The following GNAL variants were observed in gnomAD, a reference collection of about 807,000 sequenced individuals.
The protein encoded by GNAL is guanine nucleotide-binding protein G(olf) subunit alpha.
Under a neutral mutation model 55.1 loss-of-function variants are expected in GNAL, and 18 were observed. The ratio of observed to expected loss-of-function variants is 0.33; its 90% CI spans 0.23 to 0.48. The LOEUF is 0.48. GNAL is among the 20% of genes least tolerant of loss of function. GNAL has a pLI of 0.99. For missense variants in GNAL, 412 were observed against 614.1 expected (o/e 0.67, Z 3.48); for synonymous variants, 253 against 237.0 (o/e 1.07, Z -0.62).
intron 4 of GNAL, among the ~76,000 whole-genome samples, chr18:11,789,377 C>A (rs1174135529): frequency 6.6e-6 from 1 of 152,186 alleles, no homozygotes; most frequent in East Asian, 1.9e-4. Flanking sequence ...CTAGCCCCAG[C>A]AACTGTCCTC....
At chr18:11,736,048 T>C (rs1309051180) in intron 1 of GNAL, among the ~76,000 whole-genome samples, 3 of 152,192 alleles carry the variant, frequency 2.0e-5, no homozygotes, top group Non-Finnish European at 4.4e-5. Context: ...AACATGCCAG[T>C]ACATCTCCAA....
At chr18:11,764,446 C>G (rs967573684) in intron 4 of GNAL, among the ~76,000 whole-genome samples, 1 of 152,222 alleles carries the variant, frequency 6.6e-6, no homozygotes, top group Non-Finnish European at 1.5e-5. Context: ...CTCTAGTTTT[C>G]ACACACCAGT....
intron 5 of GNAL, 29 bp from the exon 6 acceptor site, chr18:11,862,366 G>A: frequency 3.8e-6 from 6 of 1,597,374 alleles, no homozygotes; most frequent in Non-Finnish European, 5.2e-6. Context: ...CAGAGAACAG[G>A]CCTCAACCCT....
intron 1 of GNAL, among the ~76,000 whole-genome samples, chr18:11,718,939 A>G (rs1187330277): frequency 1.3e-5 from 2 of 152,210 alleles, no homozygotes; most frequent in Non-Finnish European, 2.9e-5. Flanking sequence ...CCCTGACTTT[A>G]TAAAGCAAAT....
intron 4 of GNAL, among the ~76,000 whole-genome samples, chr18:11,779,086 T>C (rs2033860788): frequency 6.6e-6 from 1 of 151,998 alleles, no homozygotes; most frequent in Admixed American, 6.6e-5. Flanking sequence ...AGACAGCACG[T>C]AGAGGTGAGG....
intron 1 of GNAL, among the ~76,000 whole-genome samples, chr18:11,733,549 G>A (rs925917662): frequency 1.3e-5 from 2 of 152,180 alleles, no homozygotes; most frequent in African/African-American, 2.4e-5. Flanking sequence ...ATCAACGGAT[G>A]ACTGGATAAA....
chr18:11,841,975 ATT>A (rs918962032), intron 5 of GNAL, among the ~76,000 whole-genome samples: 3 of 145,354 alleles, frequency 2.1e-5, no homozygotes, highest in East Asian at 2.0e-4. Flanking sequence ...TTTAGTTCAG[ATT>A]TTTTTTTTTT....
At chr18:11,739,323 G>T (rs2032525539) in intron 1 of GNAL, among the ~76,000 whole-genome samples, 2 of 152,196 alleles carry the variant, frequency 1.3e-5, no homozygotes, top group South Asian at 4.1e-4. Flanking sequence ...ATGTGCAGGT[G>T]GAGGTGTAGA....
intron 4 of GNAL, among the ~76,000 whole-genome samples, chr18:11,789,659 T>C (rs375279705): frequency 2.6e-4 from 39 of 152,360 alleles, no homozygotes; most frequent in African/African-American, 8.9e-4. Flanking sequence ...TAAAGTACCA[T>C]GTCTTCTTTT....
chr18:11,827,120 C>T (rs996238182), intron 5 of GNAL, among the ~76,000 whole-genome samples: 4 of 152,140 alleles, frequency 2.6e-5, no homozygotes, highest in African/African-American at 7.2e-5. Context: ...CTTACCTTGT[C>T]CAAGGACAGG....
intron 1 of GNAL, among the ~76,000 whole-genome samples, chr18:11,698,951 A>C (rs1043192239): frequency 4.6e-5 from 6 of 130,526 alleles, no homozygotes; most frequent in African/African-American, 2.7e-4. Flanking sequence ...AGACCTAGCT[A>C]ATTTTCGGGT....
intron 4 of GNAL, among the ~76,000 whole-genome samples, chr18:11,760,423 CT>C (rs2033203182): frequency 6.6e-6 from 1 of 152,204 alleles, no homozygotes; most frequent in African/African-American, 2.4e-5. Context: ...AACATTTGAG[CT>C]GGTGTAAAAA....
intron 4 of GNAL, among the ~76,000 whole-genome samples, chr18:11,767,108 C>T (rs1199605734): frequency 6.6e-6 from 1 of 152,174 alleles, no homozygotes; most frequent in Non-Finnish European, 1.5e-5. Context: ...GGAAGAAATC[C>T]CTGACTTCCC....
intron 5 of GNAL, among the ~76,000 whole-genome samples, chr18:11,833,985 G>A (rs73407473): frequency 0.016 from 2,455 of 152,200 alleles, 68 homozygotes; most frequent in African/African-American, 0.057. Flanking sequence ...GAGGCTCCCC[G>A]GGGTGCGGTT....
intron 5 of GNAL, among the ~76,000 whole-genome samples, chr18:11,830,693 T>G (rs1568047231): frequency 6.6e-6 from 1 of 152,188 alleles, no homozygotes; most frequent in Non-Finnish European, 1.5e-5. Flanking sequence ...ATAGCAATAT[T>G]TGTCATCATA....
intron 6 of GNAL, among the ~76,000 whole-genome samples, chr18:11,862,947 C>T (rs2036181147): frequency 1.3e-5 from 2 of 149,626 alleles, no homozygotes; most frequent in South Asian, 4.2e-4. Flanking sequence ...GTTGCAATCT[C>T]TGCTCACTGC....
intron 4 of GNAL, among the ~76,000 whole-genome samples, chr18:11,819,043 CG>C (rs34405749): frequency 0.062 from 9,492 of 152,240 alleles, 428 homozygotes; most frequent in African/African-American, 0.12. Flanking sequence ...GCCAGACAGA[CG>C]GCACCACACT....
At position 11,774,751 on chromosome 18, in the gene GNAL, G is replaced by C. The variant is rs114248500; in HGVS notation, c.624+20806G>C. 5.7e-3 allele frequency among the ~76,000 whole-genome samples: 867 copies of C among 152,324 alleles called. 9 individuals carry two copies. Among genetic ancestry groups the C allele is most frequent in the African/African-American group, 0.02 (816 of 41,570 alleles). On this transcript the variant is annotated intron_variant, in intron 4 of 11. Coordinates refer to ENST00000334049, the MANE Select transcript of GNAL (RefSeq NM_182978.4). ...TGTGAGGTGACCTTTCTGGGTTTAAGAATCACGGGTCCAGGTTATACACTG... is the reference window on the plus strand; with the variant it reads ...TGTGAGGTGACCTTTCTGGGTTTAACAATCACGGGTCCAGGTTATACACTG...
At chr18:11,870,676 G>A (rs1344590378) in intron 9 of GNAL, among the ~76,000 whole-genome samples, 2 of 152,114 alleles carry the variant, frequency 1.3e-5, no homozygotes, top group African/African-American at 4.8e-5. Context: ...TGGCAGAAGT[G>A]ATTATTTCAG....
Sources: allele counts gnomAD v4.1 joint callset (sites outside exome capture counted in the v4.1 genomes callset), GRCh38; gene constraint gnomAD v4.1.1; transcripts MANE v1.5; gene names NCBI Gene and HGNC (gene_info 2026-07-23, HGNC 2026-07-21).